Variants in CNTN5 observed in about 807,000 individuals in gnomAD.
CNTN5 encodes contactin-5.
A neutral mutation model predicts 129.1 loss-of-function variants in CNTN5; 77 were observed. The ratio of observed to expected loss-of-function variants is 0.60; its 90% confidence interval spans 0.50 to 0.72. The LOEUF is 0.72. Among genes scored for constraint, CNTN5 ranks in the 30% least tolerant of loss-of-function variants. CNTN5 has a pLI of 0.00. For missense variants in CNTN5, 1,478 were observed against 1,328.8 expected (o/e 1.11, Z -1.75); for synonymous variants, 509 against 465.6 (o/e 1.09, Z -1.20).
intron 2 of CNTN5, among the ~76,000 whole-genome samples, chr11:99,450,479 A>T (rs770368893): frequency 3.3e-5 from 5 of 152,186 alleles, no homozygotes; most frequent in African/African-American, 4.8e-5. Context: ...ATATAGTTAC[A>T]TGTAAAAGAT....
chr11:99,043,754 A>G (rs1420609615), intron 1 of CNTN5, among the ~76,000 whole-genome samples: 1 of 152,190 alleles, frequency 6.6e-6, no homozygotes, highest in Non-Finnish European at 1.5e-5. Context: ...AGACAGTCTC[A>G]GTTTAAAGAC....
In CNTN5 at chr11:99,501,739, C is replaced by T. The variant is rs1194587310; in HGVS notation, c.-70-54406C>T. On this transcript the variant is annotated intron_variant, in intron 2 of 24. Transcript: ENST00000524871. ...TTATAAAATAATGCAATTATTCTGTCTTAGAAATAAGGCACACCTGGTTTG... is the reference window on the plus strand; with the variant it reads ...TTATAAAATAATGCAATTATTCTGTTTTAGAAATAAGGCACACCTGGTTTG... Among the ~76,000 whole-genome samples, 7 of 152,302 alleles carry T rather than the reference C, an allele frequency of 4.6e-5. No homozygotes were observed. The East Asian group carries it at 1.3e-3, about 29-fold the overall frequency.
At chr11:99,756,674 C>A (rs1002255552) in intron 3 of CNTN5, among the ~76,000 whole-genome samples, 1 of 152,044 alleles carries the variant, frequency 6.6e-6, no homozygotes, top group African/African-American at 2.4e-5. Flanking sequence ...GTCACCCATT[C>A]TCAAGTTATT....
At chr11:100,013,044 G>A (rs1405706016) in intron 9 of CNTN5, among the ~76,000 whole-genome samples, 1 of 152,124 alleles carries the variant, frequency 6.6e-6, no homozygotes, top group Non-Finnish European at 1.5e-5. Flanking sequence ...GCAGCAACAT[G>A]TACATAACTG....
At chr11:99,236,665 G>A (rs1861286628) in intron 1 of CNTN5, among the ~76,000 whole-genome samples, 1 of 152,138 alleles carries the variant, frequency 6.6e-6, no homozygotes, top group African/African-American at 2.4e-5. Flanking sequence ...TTAGAAGAGT[G>A]GCCAAGTCAT....
chr11:99,780,698 A>G (rs1003772126), intron 3 of CNTN5, among the ~76,000 whole-genome samples: 2 of 152,104 alleles, frequency 1.3e-5, no homozygotes, highest in East Asian at 1.9e-4. Context: ...AAAATACTTC[A>G]AAGTGTTTAA....
intron 6 of CNTN5, among the ~76,000 whole-genome samples, chr11:99,912,132 G>T (rs1313066852): frequency 6.6e-6 from 1 of 151,708 alleles, no homozygotes; most frequent in Non-Finnish European, 1.5e-5. Context: ...AGAATGTCAA[G>T]AAGGAAGGAA....
intron 13 of CNTN5, among the ~76,000 whole-genome samples, chr11:100,120,911 T>TATCA (rs1945998086): frequency 6.6e-6 from 1 of 152,034 alleles, no homozygotes; most frequent in African/African-American, 2.4e-5. Context: ...TTCGATAGAC[T>TATCA]ATCATTCAGC....
chr11:99,271,748 T>C (rs970095033), intron 1 of CNTN5, among the ~76,000 whole-genome samples: 1 of 151,854 alleles, frequency 6.6e-6, no homozygotes, highest in African/African-American at 2.4e-5. Context: ...TTACTGACTA[T>C]TGATAAAAGC....
At position 99,388,787 on chromosome 11, in the gene CNTN5, C is replaced by G. The variant is rs188446327; in HGVS notation, c.-71+63303C>G. ...ATCATTTATAACCATACAAACTTGCCCAGTTTTCAACCACTTTCTATGATA... is the reference window on the plus strand; with the variant it reads ...ATCATTTATAACCATACAAACTTGCGCAGTTTTCAACCACTTTCTATGATA... On this transcript the variant is annotated intron_variant, in intron 2 of 24. Coordinates refer to ENST00000524871, the MANE Select transcript of CNTN5 (RefSeq NM_014361.4). 6.7e-3 allele frequency among the ~76,000 whole-genome samples: 1,022 copies of G among 152,166 alleles called. 10 individuals carry two copies. Among genetic ancestry groups the G allele is most frequent in the African/African-American group, 0.023 (963 of 41,532 alleles).
chr11:99,335,973 T>C (rs2064036415), intron 2 of CNTN5, among the ~76,000 whole-genome samples: 1 of 152,090 alleles, frequency 6.6e-6, no homozygotes, highest in South Asian at 2.1e-4. Context: ...TCAGATTCCC[T>C]GGAAACACAG....
chr11:99,989,989 T>A (rs895374035), intron 8 of CNTN5, among the ~76,000 whole-genome samples: 1 of 152,148 alleles, frequency 6.6e-6, no homozygotes, highest in Non-Finnish European at 1.5e-5. Flanking sequence ...ATGGTCTCAG[T>A]CTCCTGACCT....
At chr11:99,538,350 T>C (rs1009248120) in intron 2 of CNTN5, among the ~76,000 whole-genome samples, 1 of 152,144 alleles carries the variant, frequency 6.6e-6, no homozygotes, top group African/African-American at 2.4e-5. Context: ...TCTGTTTTAA[T>C]AATAGGACGA....
rs889239023 is a variant in CNTN5, at chr11:99,635,551, C to T, written c.55+79282C>T. On this transcript the variant is annotated intron_variant, in intron 3 of 24. Transcript: ENST00000524871. Reference sequence around the variant, plus strand: ...CTCCCTACCTTTCTGCTTGCCAATTCCTGAGTCGAGGAAGGTTTTTGTGTT... The same window carrying T: ...CTCCCTACCTTTCTGCTTGCCAATTTCTGAGTCGAGGAAGGTTTTTGTGTT... 2.0e-5 allele frequency among the ~76,000 whole-genome samples: 3 copies of T among 152,010 alleles called. No individual in the cohort carries two copies. The East Asian group carries it at 5.9e-4, about 30-fold the overall frequency.
chr11:99,937,879 G>C (rs1950349933), intron 7 of CNTN5, among the ~76,000 whole-genome samples: 2 of 152,154 alleles, frequency 1.3e-5, no homozygotes, highest in Non-Finnish European at 1.5e-5. Context: ...CCAGGCATCA[G>C]TAAACTGTAG....
At chr11:99,731,175 C>A (rs917112067) in intron 3 of CNTN5, among the ~76,000 whole-genome samples, 6 of 151,574 alleles carry the variant, frequency 4.0e-5, no homozygotes, top group African/African-American at 1.5e-4. Context: ...GTGGCGCGAT[C>A]TCGGCTCACT....
intron 2 of CNTN5, among the ~76,000 whole-genome samples, chr11:99,537,821 C>T (rs966216959): frequency 6.6e-6 from 1 of 152,124 alleles, no homozygotes; most frequent in Non-Finnish European, 1.5e-5. Context: ...ATACAGCTTT[C>T]TAGGGAATAG....
chr11:100,102,042 G>A (rs1945241425), intron 13 of CNTN5, among the ~76,000 whole-genome samples: 1 of 152,102 alleles, frequency 6.6e-6, no homozygotes, highest in Non-Finnish European at 1.5e-5. Context: ...AAACATGAAT[G>A]TGCATGTCTT....
intron 6 of CNTN5, among the ~76,000 whole-genome samples, chr11:99,849,444 T>C (rs1196219585): frequency 6.6e-6 from 1 of 151,976 alleles, no homozygotes; most frequent in East Asian, 1.9e-4. Context: ...ACCAGAAATA[T>C]ATTTTAAAAT....
Sources: allele counts gnomAD v4.1 joint callset (sites outside exome capture counted in the v4.1 genomes callset), GRCh38; gene constraint gnomAD v4.1.1; transcripts MANE v1.5; gene names NCBI Gene and HGNC (gene_info 2026-07-23, HGNC 2026-07-21).